Variants in ZNF346 observed in about 807,000 individuals in gnomAD.
ZNF346 encodes zinc finger protein 346, also known as double-stranded RNA-binding zinc finger protein JAZ.
A neutral mutation model predicts 33.7 loss-of-function variants in ZNF346; 23 were observed. The ratio of observed to expected loss-of-function variants is 0.68; its 90% confidence interval spans 0.49 to 0.97. ZNF346 has a LOEUF of 0.97. Ranked by LOEUF, ZNF346 falls within the 50% of genes least tolerant of loss-of-function variation. The pLI, the probability that ZNF346 is intolerant of heterozygous loss-of-function variation, is 0.00. For missense variants in ZNF346, 340 were observed against 371.1 expected (o/e 0.92, Z 0.69); for synonymous variants, 134 against 142.4 (o/e 0.94, Z 0.42).
chr5:177,070,147 C>G (rs1280516363), downstream of ZNF346, among the ~76,000 whole-genome samples: 1 of 152,178 alleles, frequency 6.6e-6, no homozygotes, highest in African/African-American at 2.4e-5. Context: ...CAAAGTGGCT[C>G]TATTGACTTA....
intron 3 of ZNF346, 149 bp downstream of exon 3, chr5:177,042,019 C>T: frequency 1.9e-6 from 1 of 533,500 alleles, no homozygotes; most frequent in Non-Finnish European, 3.4e-6. Flanking sequence ...GCCTTGATTT[C>T]TTCCTCTATA....
downstream of ZNF346, among the ~76,000 whole-genome samples, chr5:177,069,846 G>A (rs1007698817): frequency 3.3e-5 from 5 of 151,970 alleles, no homozygotes; most frequent in South Asian, 6.2e-4. Flanking sequence ...ATTTTTTGTA[G>A]GGATGGCGTC....
chr5:177,068,906 G>GTT (rs969872003), downstream of ZNF346, among the ~76,000 whole-genome samples: 1 of 143,162 alleles, frequency 7.0e-6, no homozygotes, highest in Admixed American at 6.7e-5. Context: ...TTAGACTTCA[G>GTT]TTTGATGAAT....
chr5:177,064,728 C>A lies in ZNF346; in HGVS notation c.*129C>A. The A allele has an allele frequency of 2.8e-6, 2 of 722,716 alleles. No individual in the cohort carries two copies. The highest frequency in any genetic ancestry group is 2.4e-6 in the Non-Finnish European group (1 of 411,574). 44.8% of individuals were successfully genotyped at this position (722,716 alleles called of 1,614,324 possible). A position where few individuals can be genotyped will look rare whatever the true frequency, so the allele number is the denominator to read the frequency against. On this transcript the variant is annotated 3_prime_UTR_variant, in exon 7 of 7. Coordinates refer to ENST00000358149, the MANE Select transcript of ZNF346 (RefSeq NM_012279.4). ...ACACGGGCCTGAGGCAGGATTGGGC[C>A]ACAGACAGCCTCTCATTGGTCCGGG...
intron 1 of ZNF346, among the ~76,000 whole-genome samples, chr5:177,033,854 A>G: frequency 6.6e-6 from 1 of 152,104 alleles, no homozygotes; most frequent in South Asian, 2.1e-4. Flanking sequence ...GCTCAATTGT[A>G]GATTCTAAGG....
intron 4 of ZNF346, among the ~76,000 whole-genome samples, chr5:177,049,538 T>C (rs1206226468): frequency 6.6e-6 from 1 of 152,234 alleles, no homozygotes; most frequent in Non-Finnish European, 1.5e-5. Flanking sequence ...GGCTCGCATG[T>C]ATGCCTATAC....
In ZNF346 at chr5:177,067,005, T is replaced by G. The variant is rs1008665996; in HGVS notation, c.*2406T>G. 6.6e-6 allele frequency among the ~76,000 whole-genome samples: 1 copy of G among 152,144 alleles called. No individual in the cohort carries two copies. Among genetic ancestry groups the G allele is most frequent in the Non-Finnish European group, 1.5e-5 (1 of 68,028 alleles). On this transcript the variant is annotated 3_prime_UTR_variant, in exon 7 of 7. Coordinates refer to ENST00000358149, the MANE Select transcript of ZNF346 (RefSeq NM_012279.4). The stretch of plus-strand genomic sequence containing the variant: ...TGAACCCGGGAGGCGGAGGGTCGCA[T>G]TGAGCCAAGATCGTGCCACTGCACT...
In ZNF346 at chr5:177,022,805, T is replaced by C; in HGVS notation, c.67T>C (p.Ser23Pro). The C allele has an allele frequency of 1.3e-6, 2 of 1,544,068 alleles. No individual in the cohort carries two copies. The highest frequency in any genetic ancestry group is 2.5e-5 in the East Asian group (1 of 40,480). Residue 23 changes from serine to proline, a missense_variant, in exon 1 of 7, where the codon TCG becomes CCG. Transcript: ENST00000358149. The part of the protein sequence containing the change: ...DGGAAGPYSS[S>P]ELLEGQEPDG... ...CGGAGCGGCCGGGCCTTACAGCAGC[T>C]CGGAGTTGCTGGAGGGCCAGGAGCC...
intron 5 of ZNF346, among the ~76,000 whole-genome samples, chr5:177,053,629 G>A (rs192149856): frequency 5.9e-5 from 9 of 152,182 alleles, no homozygotes; most frequent in Admixed American, 2.6e-4. Flanking sequence ...TGTTAAGAGA[G>A]GGAAAAAAAT....
At chr5:177,037,608 A>G (rs1367030562) in intron 1 of ZNF346, among the ~76,000 whole-genome samples, 1 of 152,132 alleles carries the variant, frequency 6.6e-6, no homozygotes, top group Non-Finnish European at 1.5e-5. Flanking sequence ...TGTCAAACCT[A>G]TTGCCGGAAC....
intron 4 of ZNF346, among the ~76,000 whole-genome samples, chr5:177,047,329 G>A (rs1581879813): frequency 1.4e-5 from 2 of 147,584 alleles, no homozygotes; most frequent in Non-Finnish European, 1.5e-5. Context: ...TTTTTTGTTT[G>A]TTTGTTTTTT....
chr5:177,027,550 C>T (rs1410004666), intron 1 of ZNF346, among the ~76,000 whole-genome samples: 2 of 144,046 alleles, frequency 1.4e-5, no homozygotes, highest in Non-Finnish European at 3.0e-5. Flanking sequence ...TGTGCCACTG[C>T]ACTCCAGTCT....
downstream of ZNF346, among the ~76,000 whole-genome samples, chr5:177,072,801 A>T (rs1783567426): frequency 6.7e-6 from 1 of 149,926 alleles, no homozygotes; most frequent in Non-Finnish European, 1.5e-5. Context: ...GTGAGCCGAG[A>T]TCACACCACT....
chr5:177,067,225 A>C lies in ZNF346; in HGVS notation c.*2626A>C, dbSNP rs962212939. ...GCCACTGTACTCCAGCCTGGACAAC[A>C]GAGCAAGACCCTGTCTCTAAAAATA... On this transcript the variant is annotated 3_prime_UTR_variant, in exon 7 of 7. Transcript: ENST00000358149. Among the ~76,000 whole-genome samples the C allele has an allele frequency of 6.6e-6, 1 of 152,238 alleles. No homozygotes were observed. Among genetic ancestry groups the C allele is most frequent in the Non-Finnish European group, 1.5e-5 (1 of 68,052 alleles).
At chr5:177,046,849 A>G (rs929940685) in intron 4 of ZNF346, among the ~76,000 whole-genome samples, 5 of 152,270 alleles carry the variant, frequency 3.3e-5, no homozygotes, top group Admixed American at 2.6e-4. Context: ...TATAAAAACA[A>G]TGCATACTCA....
chr5:177,037,787 G>A (rs78990182), intron 1 of ZNF346, among the ~76,000 whole-genome samples: 1,739 of 152,178 alleles, frequency 0.011, 11 homozygotes, highest in South Asian at 0.025. Context: ...ATCTTTTCAA[G>A]GGCAAACCAG....
chr5:177,023,149 A>G, intron 1 of ZNF346: 1 of 1,529,282 alleles, frequency 6.5e-7, no homozygotes, highest in Non-Finnish European at 8.8e-7. Flanking sequence ...CTCCTTCATC[A>G]TTCACTACAG....
chr5:177,050,894 C>T lies in ZNF346; in HGVS notation c.661C>T (p.Arg221Cys), dbSNP rs750450415. The change falls in exon 5 of 7, where the codon CGC (arginine) becomes TGC (cysteine). Residue 221 changes from arginine to cysteine, a missense_variant. Physicochemically the swap from Arg to Cys is radical, Grantham distance 180. Transcript: ENST00000358149. ...GGAGACCAAGCTCAAACTAATGGCA[C>T]GCTATGGGCGGCTGGCGGACCCTGC... The part of the protein sequence containing the change: ...KQETKLKLMA[R>C]YGRLADPAVT... 8.7e-6 allele frequency: 14 copies of T among 1,614,046 alleles called. No individual in the cohort carries two copies. Among genetic ancestry groups the T allele is most frequent in the East Asian group, 4.5e-5 (2 of 44,896 alleles).
chr5:177,030,154 C>T (rs1314690520), intron 1 of ZNF346, among the ~76,000 whole-genome samples: 1 of 152,212 alleles, frequency 6.6e-6, no homozygotes, highest in Non-Finnish European at 1.5e-5. Context: ...TTTATTTTCA[C>T]TTAAATCAGT....
Sources: gnomAD v4.1 joint callset for allele counts (sites outside exome capture counted in the v4.1 genomes callset) on GRCh38, gnomAD v4.1.1 for gene constraint, MANE v1.5 for transcripts, NCBI Gene and HGNC (gene_info 2026-07-23, HGNC 2026-07-21) for gene names.